The following NDUFA6 variants were observed in gnomAD, a reference collection of about 807,000 sequenced individuals.
The protein encoded by NDUFA6 is NADH dehydrogenase [ubiquinone] 1 alpha subcomplex subunit 6.
Under a neutral mutation model 12.5 loss-of-function variants are expected in NDUFA6, and 10 were observed. The ratio of observed to expected loss-of-function variants is 0.80; its 90% CI spans 0.49 to 1.35. NDUFA6 has a LOEUF of 1.35. Among genes scored for constraint, NDUFA6 ranks in the 40% most tolerant of loss-of-function variants. The pLI, the probability that NDUFA6 is intolerant of heterozygous loss-of-function variation, is 0.00. For synonymous variants in NDUFA6, 66 were observed against 63.0 expected (o/e 1.05, Z -0.23); for missense variants, 177 against 173.5 (o/e 1.02, Z -0.11).
At position 42,087,025 on chromosome 22, in the gene NDUFA6, C is replaced by A. The variant is rs780792218; in HGVS notation, c.255+35G>T. ...GACTAAGAAGTAGTGGACAAGTTGG[C>A]TGATCTTTTAAATTGGTCAGGGAGG... On this transcript the variant is annotated intron_variant, in intron 2 of 2. Transcript: ENST00000498737. 13 of 1,432,296 alleles carry A rather than the reference C, an allele frequency of 9.1e-6. No individual in the cohort carries two copies. The African/African-American group carries it at 1.7e-4, about 19-fold the overall frequency. 88.7% of individuals were successfully genotyped at this position (1,432,296 alleles called of 1,614,324 possible).
intron 1 of NDUFA6, chr22:42,087,441 C>G (rs1928326025): frequency 4.1e-6 from 2 of 485,700 alleles, no homozygotes; most frequent in Admixed American, 6.7e-5. Context: ...GGGTTCAAAT[C>G]CCAGCTTTTG....
At chr22:42,087,872 C>CCAA (rs1194299605) in intron 1 of NDUFA6, among the ~76,000 whole-genome samples, 1 of 149,818 alleles carries the variant, frequency 6.7e-6, no homozygotes, top group Non-Finnish European at 1.5e-5. Context: ...CTTTGGGAGG[C>CCAA]CAAGGCAGGT....
chr22:42,087,238 G>T, intron 1 of NDUFA6, 63 bp from the exon 2 acceptor site: 1 of 1,213,864 alleles, frequency 8.2e-7, no homozygotes. Flanking sequence ...AGAGTCAAAT[G>T]ATACTCATTG....
At chr22:42,088,574 C>G (rs1331712633) in intron 1 of NDUFA6, among the ~76,000 whole-genome samples, 7 of 151,860 alleles carry the variant, frequency 4.6e-5, no homozygotes. Flanking sequence ...CAAAAGTTAG[C>G]CAGGTGTGGT....
intron 1 of NDUFA6, among the ~76,000 whole-genome samples, chr22:42,090,189 A>G (rs2146877683): frequency 6.6e-6 from 1 of 152,282 alleles, no homozygotes; most frequent in South Asian, 2.1e-4. Context: ...TCTGTCACAA[A>G]CAAAAAAATC....
At chr22:42,088,352 A>G (rs1378217414) in intron 1 of NDUFA6, among the ~76,000 whole-genome samples, 1 of 151,786 alleles carries the variant, frequency 6.6e-6, no homozygotes, top group Non-Finnish European at 1.5e-5. Context: ...GCTTGCAGTG[A>G]GCCGAGATTG....
intron 1 of NDUFA6, 134 bp from the exon 2 acceptor site, chr22:42,087,309 T>G: frequency 1.4e-6 from 1 of 710,888 alleles, no homozygotes; most frequent in South Asian, 1.5e-5. Flanking sequence ...CTAGGCTAGG[T>G]GCTTGAGGAT....
At position 42,086,003 on chromosome 22, in the gene NDUFA6, C is replaced by T. The variant is rs1397281700; in HGVS notation, c.*180G>A. ...AATTCAATCCAATTTACAGCAAACA[C>T]CACATTTCAAGAAAAGGGAAAGAAC... On this transcript the variant is annotated 3_prime_UTR_variant, in exon 3 of 3. Transcript: ENST00000498737. 1.3e-6 allele frequency: 1 copy of T among 759,442 alleles called. No homozygotes were observed. Among genetic ancestry groups the T allele is most frequent in the Non-Finnish European group, 2.2e-6 (1 of 448,554 alleles). The allele number at this position is 759,442 out of a possible 1,614,324, so 47.0% of individuals were successfully genotyped here.
At chr22:42,087,795 C>A (rs917926117) in intron 1 of NDUFA6, among the ~76,000 whole-genome samples, 2 of 145,320 alleles carry the variant, frequency 1.4e-5, no homozygotes, top group Non-Finnish European at 1.5e-5. Context: ...GAGCGAGACT[C>A]CGTCTCAAAA....
chr22:42,086,230 T>C lies in NDUFA6; in HGVS notation c.340A>G (p.Arg114Gly). The C allele has an allele frequency of 6.2e-6, 10 of 1,614,272 alleles. No homozygotes were observed. In the South Asian group the frequency reaches 9.9e-5, roughly 16 times the overall value. The change falls in exon 3 of 3, where the codon AGG becomes GGG. Residue 114 changes from arginine to glycine, a missense_variant. Coordinates refer to ENST00000498737, the MANE Select transcript of NDUFA6 (RefSeq NM_002490.6). ...MRFFHETEAP[R>G]PKDFLSKFYV... The stretch of plus-strand genomic sequence containing the variant: ...AACTTGGATAGGAAATCCTTTGGCC[T>C]TGGCGCTTCTGTTTCATGGAAGAAC...
chr22:42,088,215 G>T (rs1041000800), intron 1 of NDUFA6, among the ~76,000 whole-genome samples: 12 of 146,472 alleles, frequency 8.2e-5, no homozygotes, highest in African/African-American at 3.1e-4. Context: ...AGACCATCCT[G>T]GCTAACAAGG....
Position 42,086,023 on chromosome 22 carries a change from A to T in NDUFA6, c.*160T>A, listed in dbSNP as rs1170936912. 10 of 865,176 alleles carry T rather than the reference A, an allele frequency of 1.2e-5. No homozygotes were observed. Among genetic ancestry groups the T allele is most frequent in the Non-Finnish European group, 1.3e-5 (7 of 526,150 alleles). The allele number at this position is 865,176 out of a possible 1,614,324, so 53.6% of individuals were successfully genotyped here. On this transcript the variant is annotated 3_prime_UTR_variant, in exon 3 of 3. Coordinates refer to ENST00000498737, the MANE Select transcript of NDUFA6 (RefSeq NM_002490.6). ...AAACACCACATTTCAAGAAAAGGGAAAGAACAGGTGATGTGTATACCAAGG... is the reference window on the plus strand; with the variant it reads ...AAACACCACATTTCAAGAAAAGGGATAGAACAGGTGATGTGTATACCAAGG...
chr22:42,087,704 A>G (rs1214084245), intron 1 of NDUFA6, among the ~76,000 whole-genome samples: 5 of 151,942 alleles, frequency 3.3e-5, no homozygotes, highest in Admixed American at 3.3e-4. Flanking sequence ...CGGGAGGCTG[A>G]GGCAGGAGAA....
intron 1 of NDUFA6, among the ~76,000 whole-genome samples, chr22:42,088,645 C>T (rs1450299689): frequency 1.4e-5 from 2 of 144,754 alleles, no homozygotes; most frequent in South Asian, 2.2e-4. Context: ...CACTTGAACC[C>T]GGGAGGTGGA....
Position 42,085,932 on chromosome 22 carries a change from G to A in NDUFA6, c.*251C>T. The A allele has an allele frequency of 1.7e-6, 1 of 581,436 alleles. No homozygotes were observed. Among genetic ancestry groups the A allele is most frequent in the Middle Eastern group, 4.7e-4 (1 of 2,140 alleles). 36.0% of individuals were successfully genotyped at this position (581,436 alleles called of 1,614,324 possible). A position where few individuals can be genotyped will look rare whatever the true frequency, so the allele number is the denominator to read the frequency against. ...CAATGTCACAATTTTTGAACAGATG[G>A]CCTCCTTCCTTCCTGTTTACTGACA... is the stretch of plus-strand genomic sequence containing the variant. On this transcript the variant is annotated 3_prime_UTR_variant, in exon 3 of 3. Coordinates refer to ENST00000498737, the MANE Select transcript of NDUFA6 (RefSeq NM_002490.6).
intron 2 of NDUFA6, 33 bp downstream of exon 2, chr22:42,087,027 G>C: frequency 6.9e-7 from 1 of 1,447,914 alleles, no homozygotes; most frequent in Non-Finnish European, 9.7e-7. Context: ...CAAGTTGGCT[G>C]ATCTTTTAAA....
chr22:42,086,950 C>T lies in NDUFA6; in HGVS notation c.255+110G>A, dbSNP rs539455587. 1.2e-3 allele frequency: 973 copies of T among 819,938 alleles called. 15 individuals carry two copies. Among genetic ancestry groups the T allele is most frequent in the South Asian group, 0.011 (836 of 72,756 alleles). The allele number at this position is 819,938 out of a possible 1,614,324, so 50.8% of individuals were successfully genotyped here. On this transcript the variant is annotated intron_variant, in intron 2 of 2. Transcript: ENST00000498737. ...TCTGAAACACAGCAATAATCACTGC[C>T]GAACCAGTAGCTGCTTTCTAAACTT...
At chr22:42,086,616 T>C (rs1296960307) in intron 2 of NDUFA6, among the ~76,000 whole-genome samples, 3 of 152,230 alleles carry the variant, frequency 2.0e-5, no homozygotes, top group African/African-American at 4.8e-5. Context: ...TTTCTGCTTA[T>C]CATTTCTTCT....
In NDUFA6 at chr22:42,090,648, G is replaced by C. The variant is rs1172730399; in HGVS notation, c.97C>G (p.Arg33Gly). The C allele has an allele frequency of 6.8e-6, 11 of 1,613,968 alleles. No individual in the cohort carries two copies. Among genetic ancestry groups the C allele is most frequent in the Non-Finnish European group, 9.3e-6 (11 of 1,180,048 alleles). Residue 33 changes from arginine to glycine, a missense_variant, in exon 1 of 3, where the codon CGC becomes GGC. Physicochemically the swap from Arg to Gly is moderately radical, Grantham distance 125. This residue lies in a region of NDUFA6 where 111 missense variants were observed against 87.2 expected (regional missense o/e 1.27). Transcript: ENST00000498737. ...CGATACCAGGCGCGGTAGAGCTCGC[G>C]CACCCTCCGCTTGGCCTCGTTCATG... Reference protein sequence around the residue: ...RDMNEAKRRVRELYRAWYREV... With the variant: ...RDMNEAKRRVGELYRAWYREV...
Sources: allele counts gnomAD v4.1 joint callset (sites outside exome capture counted in the v4.1 genomes callset), GRCh38; gene constraint gnomAD v4.1.1; regional missense constraint gnomAD v4.1.1; transcripts MANE v1.5; gene names NCBI Gene and HGNC (gene_info 2026-07-23, HGNC 2026-07-21).